Variants in SHANK2 observed in about 807,000 individuals in gnomAD.
SHANK2 encodes the protein SH3 and multiple ankyrin repeat domains protein 2.
A neutral mutation model predicts 133.7 loss-of-function variants in SHANK2; 43 were observed. The ratio of observed to expected loss-of-function variants is 0.32; its 90% CI spans 0.25 to 0.41. SHANK2 has a LOEUF of 0.41. Ranked by LOEUF, SHANK2 falls within the 10% of genes least tolerant of loss-of-function variation. The probability of loss-of-function intolerance (pLI) is 1.00; values close to 1 mark genes in which losing one functional copy is unlikely to be tolerated. For synonymous variants in SHANK2, 1,017 were observed against 952.8 expected, an observed-to-expected ratio of 1.07 and a Z score of -1.24; for missense variants, 1,994 against 2,235.8, an observed-to-expected ratio of 0.89 and a Z score of 2.18.
Position 70,856,227 on chromosome 11 carries a change from T to C in SHANK2, c.1175-35545A>G, listed in dbSNP as rs143682270. Among the ~76,000 whole-genome samples the C allele has an allele frequency of 1.2e-3, 185 of 151,822 alleles. 4 individuals are homozygous for C. The East Asian group carries it at 0.033, about 27-fold the overall frequency. ...ATGGGTAGATGGATGAATGAATGGA[T>C]GAATAAATGGACAGATGGATGGATG... On this transcript the variant is annotated intron_variant, in intron 11 of 25. Coordinates refer to ENST00000601538, the MANE Select transcript of SHANK2 (RefSeq NM_012309.5).
intron 17 of SHANK2, among the ~76,000 whole-genome samples, chr11:70,636,445 ATG>A (rs1298070588): frequency 1.3e-4 from 19 of 150,434 alleles, no homozygotes; most frequent in Admixed American, 2.0e-4. Flanking sequence ...GCATATGAAT[ATG>A]TGTGAGCACG....
At chr11:71,189,935 G>A (rs1953757151) in intron 2 of SHANK2, among the ~76,000 whole-genome samples, 2 of 152,350 alleles carry the variant, frequency 1.3e-5, no homozygotes, top group African/African-American at 4.8e-5. Flanking sequence ...AGGACAAGAC[G>A]GGCACAGTAA....
intron 10 of SHANK2, among the ~76,000 whole-genome samples, chr11:70,910,015 G>A (rs547852894): frequency 6.6e-6 from 1 of 152,214 alleles, no homozygotes; most frequent in Admixed American, 6.5e-5. Flanking sequence ...GGCTTGCACT[G>A]GGCCGCCTTC....
At chr11:71,140,126 C>G (rs1455508587) in intron 3 of SHANK2, among the ~76,000 whole-genome samples, 1 of 152,196 alleles carries the variant, frequency 6.6e-6, no homozygotes, top group Non-Finnish European at 1.5e-5. Flanking sequence ...ATTTCTCACA[C>G]GGGAACAATG....
Position 70,487,488 on chromosome 11 carries a change from G to A in SHANK2, c.2805C>T (p.Ala935=). 1.9e-6 allele frequency: 3 copies of A among 1,614,040 alleles called. No homozygotes were observed. Among genetic ancestry groups the A allele is most frequent in the Non-Finnish European group, 2.5e-6 (3 of 1,180,022 alleles). ...NQNSAAKVSP[A]TRSDTVATMM... ...TGGTGGCCACGGTGTCGGACCTGGT[G>A]GCGGGGGACACCTTGGCGGCAGAAT... The change falls in exon 25 of 26, where the codon GCC becomes GCT. Residue 935 remains alanine (A), a synonymous_variant. Transcript: ENST00000601538. This position sits in a 1 kb window ranked among gnomAD's most constrained non-coding sequence, Gnocchi z 5.8.
chr11:71,115,933 AT>A (rs1951970826), intron 4 of SHANK2, among the ~76,000 whole-genome samples: 1 of 151,976 alleles, frequency 6.6e-6, no homozygotes, highest in Non-Finnish European at 1.5e-5. Flanking sequence ...CTCAATGACA[AT>A]TTTTTTCCCA....
intron 15 of SHANK2, among the ~76,000 whole-genome samples, chr11:70,690,732 G>A (rs183158867): frequency 5.5e-4 from 73 of 133,924 alleles, no homozygotes; most frequent in African/African-American, 1.8e-3. Context: ...CCAAAGGGTC[G>A]AGTGATAGTG....
intron 14 of SHANK2, among the ~76,000 whole-genome samples, chr11:70,786,158 G>C (rs1329116621): frequency 6.6e-6 from 1 of 152,148 alleles, no homozygotes; most frequent in Non-Finnish European, 1.5e-5. Context: ...TATAAATGAC[G>C]GGGCAATAAA....
intron 14 of SHANK2, among the ~76,000 whole-genome samples, chr11:70,784,364 T>TGTTTTTG (rs1237110451): frequency 9.0e-5 from 12 of 133,556 alleles, no homozygotes; most frequent in African/African-American, 3.9e-4. Context: ...TTTTTTTTTT[T>TGTTTTTG]TTTTTTTTTT....
intron 16 of SHANK2, 39 bp from the exon 17 acceptor site, chr11:70,659,991 A>T (rs1478071238): frequency 6.2e-7 from 1 of 1,613,892 alleles, no homozygotes; most frequent in Non-Finnish European, 8.5e-7. Context: ...AGCCTGGGAG[A>T]TGTCTTCCAA....
intron 8 of SHANK2, among the ~76,000 whole-genome samples, chr11:71,086,397 ATATAT>A (rs1286120623): frequency 7.6e-6 from 1 of 131,368 alleles, no homozygotes; most frequent in Admixed American, 8.4e-5. Flanking sequence ...ATGATATATG[ATATAT>A]TATTTATAAT....
intron 1 of SHANK2, among the ~76,000 whole-genome samples, chr11:71,227,980 T>C (rs1233907659): frequency 6.6e-6 from 1 of 151,936 alleles, no homozygotes; most frequent in Non-Finnish European, 1.5e-5. Flanking sequence ...GCTGACTCTT[T>C]GTAAAAGTCA....
chr11:70,787,459 T>C (rs187732401), intron 14 of SHANK2, among the ~76,000 whole-genome samples: 38 of 50,820 alleles, frequency 7.5e-4, no homozygotes, highest in Admixed American at 3.3e-3. Flanking sequence ...CCACCACCAC[T>C]AGGATCACCA....
intron 3 of SHANK2, among the ~76,000 whole-genome samples, chr11:71,134,866 T>C (rs1263429358): frequency 6.6e-6 from 1 of 152,128 alleles, no homozygotes; most frequent in Non-Finnish European, 1.5e-5. Context: ...ACCATTTACC[T>C]GGAGCCCCCA....
intron 10 of SHANK2, among the ~76,000 whole-genome samples, chr11:70,941,448 T>C (rs1950646830): frequency 6.6e-6 from 1 of 152,172 alleles, no homozygotes. Context: ...CTGAAACATA[T>C]CTCCTAAACT....
At chr11:71,119,232 A>C (rs1952040392) in intron 3 of SHANK2, among the ~76,000 whole-genome samples, 200 bp from the exon 4 acceptor site, 1 of 152,164 alleles carries the variant, frequency 6.6e-6, no homozygotes, top group African/African-American at 2.4e-5. Flanking sequence ...TATAAAAGGG[A>C]AAAAGGAAAG....
intron 17 of SHANK2, among the ~76,000 whole-genome samples, chr11:70,638,540 A>AC (rs1555005175): frequency 6.6e-6 from 1 of 152,218 alleles, no homozygotes; most frequent in African/African-American, 2.4e-5. Flanking sequence ...GCCGAGGACC[A>AC]AGGAGCAGCT....
At chr11:70,931,896 A>T (rs1037475793) in intron 10 of SHANK2, among the ~76,000 whole-genome samples, 2 of 152,218 alleles carry the variant, frequency 1.3e-5, no homozygotes, top group African/African-American at 4.8e-5. Flanking sequence ...AGAAAGAAAA[A>T]CATCATCCAT....
chr11:70,583,504 G>A (rs994239459), intron 17 of SHANK2, among the ~76,000 whole-genome samples: 10 of 152,324 alleles, frequency 6.6e-5, no homozygotes, highest in Middle Eastern at 3.4e-3. Flanking sequence ...ATTTTCATGA[G>A]CTCTGATTCT....
Sources: allele counts gnomAD v4.1 joint callset (sites outside exome capture counted in the v4.1 genomes callset), GRCh38; gene constraint gnomAD v4.1.1; non-coding constraint Gnocchi (gnomAD v3.1); transcripts MANE v1.5; gene names NCBI Gene and HGNC (gene_info 2026-07-23, HGNC 2026-07-21).